BTD: variants seen among roughly 807,000 people sequenced by gnomAD.
BTD encodes the protein biotinidase.
A neutral mutation model predicts 17.7 loss-of-function variants in BTD; 13 were observed. The observed-to-expected ratio is 0.74, with a 90% CI of 0.48 to 1.17. The LOEUF is 1.17. Ranked by LOEUF, BTD falls within the 50% of genes most tolerant of loss-of-function variation. The pLI is 0.00. For synonymous variants in BTD, 240 were observed against 245.2 expected, an observed-to-expected ratio of 0.98 and a Z score of 0.20; for missense variants, 674 against 650.4, an observed-to-expected ratio of 1.04 and a Z score of -0.39.
At chr3:15,710,185 G>C (rs2072049368) in exon 4 of BTD, among the ~76,000 whole-genome samples, 1 of 152,118 alleles carries the variant, frequency 6.6e-6, no homozygotes, top group African/African-American at 2.4e-5. Flanking sequence ...ACAGCTGTGA[G>C]CCACTGCATG....
At chr3:15,686,491 A>C (rs2068145110) in intron 3 of BTD, 1 of 603,820 alleles carries the variant, frequency 1.7e-6, no homozygotes, top group Non-Finnish European at 2.9e-6. Context: ...AGCTGGAATA[A>C]ATGTGAATTC....
At chr3:15,691,299 A>G (rs569952995) in intron 3 of BTD, among the ~76,000 whole-genome samples, 1 of 151,548 alleles carries the variant, frequency 6.6e-6, no homozygotes, top group African/African-American at 2.4e-5. Flanking sequence ...TAATTTTTGT[A>G]TTTTTAGTAG....
intron 3 of BTD, among the ~76,000 whole-genome samples, chr3:15,708,664 C>T (rs576003574): frequency 6.6e-6 from 1 of 152,250 alleles, no homozygotes; most frequent in Non-Finnish European, 1.5e-5. Flanking sequence ...AAAAATATTG[C>T]ATTCCAAAGC....
At chr3:15,713,699 C>T (rs2126087451), downstream of BTD, 2 of 1,118,064 alleles carry the variant, frequency 1.8e-6, no homozygotes, top group Non-Finnish European at 2.5e-6. Context: ...GTCAAACGTA[C>T]TACATGAAAA....
At chr3:15,672,251 C>A (rs1056018812) in intron 3 of BTD, among the ~76,000 whole-genome samples, 1 of 151,722 alleles carries the variant, frequency 6.6e-6, no homozygotes, top group Non-Finnish European at 1.5e-5. Context: ...TCAAGTGATC[C>A]TCCCACCTCA....
At chr3:15,627,412 G>T (rs1326505556) in intron 1 of BTD, among the ~76,000 whole-genome samples, 1 of 152,104 alleles carries the variant, frequency 6.6e-6, no homozygotes, top group Non-Finnish European at 1.5e-5. Flanking sequence ...TTTTTTGGTA[G>T]AGACAGTGTT....
chr3:15,603,337 C>T (rs948114823), intron 1 of BTD, among the ~76,000 whole-genome samples: 1 of 152,182 alleles, frequency 6.6e-6, no homozygotes, highest in African/African-American at 2.4e-5. Context: ...AGGCAAGTCC[C>T]TTCCGCCTAT....
chr3:15,642,840 G>A (rs1363074607), intron 3 of BTD, among the ~76,000 whole-genome samples: 1 of 151,668 alleles, frequency 6.6e-6, no homozygotes, highest in Non-Finnish European at 1.5e-5. Flanking sequence ...ACATGTTCAA[G>A]TTTTTCTGTA....
intron 1 of BTD, among the ~76,000 whole-genome samples, chr3:15,630,532 G>T (rs993684013): frequency 6.6e-6 from 1 of 152,200 alleles, no homozygotes; most frequent in Non-Finnish European, 1.5e-5. Context: ...AAGATATAAC[G>T]TGTTTCAGTT....
chr3:15,676,970 T>G, intron 3 of BTD: 1 of 1,610,482 alleles, frequency 6.2e-7, no homozygotes, highest in African/African-American at 1.3e-5. Context: ...CTGACAGTAC[T>G]CACGTTTGCA....
chr3:15,721,027 A>G (rs199992540), intron 4 of BTD: 1 of 1,613,928 alleles, frequency 6.2e-7, no homozygotes, highest in East Asian at 2.2e-5. Flanking sequence ...CTTTTGATTC[A>G]CAATAGCACC....
At chr3:15,618,652 A>C (rs1201098349) in intron 1 of BTD, among the ~76,000 whole-genome samples, 1 of 151,922 alleles carries the variant, frequency 6.6e-6, no homozygotes, top group African/African-American at 2.4e-5. Context: ...CAGCCTCCCG[A>C]GTAGCTGGGA....
intron 3 of BTD, chr3:15,678,127 G>T: frequency 7.5e-7 from 1 of 1,333,478 alleles, no homozygotes; most frequent in Non-Finnish European, 1.0e-6. Context: ...ATAACTAGTT[G>T]AAGTCAGAAG....
chr3:15,608,988 A>G (rs2064538873), intron 1 of BTD, among the ~76,000 whole-genome samples: 2 of 152,146 alleles, frequency 1.3e-5, no homozygotes, highest in South Asian at 2.1e-4. Flanking sequence ...ATAATAATCT[A>G]TTCTCCATGT....
chr3:15,720,761 T>C (rs993336951), intron 4 of BTD, among the ~76,000 whole-genome samples: 1 of 152,196 alleles, frequency 6.6e-6, no homozygotes, highest in African/African-American at 2.4e-5. Context: ...GTACATACTC[T>C]TGAGTAAGGC....
intron 3 of BTD, among the ~76,000 whole-genome samples, chr3:15,699,780 G>A (rs951289583): frequency 6.6e-6 from 1 of 152,232 alleles, no homozygotes; most frequent in Admixed American, 6.5e-5. Flanking sequence ...CTTTTACACT[G>A]TCAGTGGGAG....
downstream of BTD, among the ~76,000 whole-genome samples, chr3:15,717,728 G>A (rs182327493): frequency 6.6e-5 from 10 of 152,192 alleles, no homozygotes; most frequent in African/African-American, 2.2e-4. Context: ...GTGGGAAAAC[G>A]TGTGCATATA....
At chr3:15,610,635 A>G (rs2064592909) in intron 1 of BTD, among the ~76,000 whole-genome samples, 1 of 152,184 alleles carries the variant, frequency 6.6e-6, no homozygotes, top group South Asian at 2.1e-4. Flanking sequence ...TTCCTATCCT[A>G]ACACCAATCC....
intron 1 of BTD, chr3:15,602,240 A>G: frequency 7.7e-7 from 1 of 1,302,466 alleles, no homozygotes; most frequent in Non-Finnish European, 9.8e-7. Context: ...ACCGTGCCTG[A>G]GATCCTGAAT....
Sources: gnomAD v4.1 joint callset for allele counts (sites outside exome capture counted in the v4.1 genomes callset) on GRCh38, gnomAD v4.1.1 for gene constraint, MANE v1.5 for transcripts, NCBI Gene and HGNC (gene_info 2026-07-23, HGNC 2026-07-21) for gene names.